MGMT: variants seen among roughly 807,000 people sequenced by gnomAD.
MGMT encodes O-6-methylguanine-DNA methyltransferase.
MGMT carries 14 observed loss-of-function variants against 15.9 expected under a neutral mutation model. The observed-to-expected ratio is 0.88, with a 90% CI of 0.58 to 1.37. MGMT has a LOEUF of 1.37. Ranked by LOEUF, MGMT falls within the 40% of genes most tolerant of loss-of-function variation. The pLI, the probability that MGMT is intolerant of heterozygous loss-of-function variation, is 0.00. For synonymous variants in MGMT, 130 were observed against 118.2 expected (o/e 1.10, Z -0.65); for missense variants, 282 against 268.1 (o/e 1.05, Z -0.36).
intron 2 of MGMT, among the ~76,000 whole-genome samples, chr10:129,544,217 A>T (rs182994194): frequency 6.6e-6 from 1 of 152,292 alleles, no homozygotes; most frequent in Non-Finnish European, 1.5e-5. Context: ...CCTTGGCACA[A>T]TCCAGTTCTC....
chr10:129,508,550 T>G (rs1349725792), intron 1 of MGMT, among the ~76,000 whole-genome samples: 1 of 148,192 alleles, frequency 6.7e-6, no homozygotes, highest in East Asian at 1.9e-4. Flanking sequence ...TTGTTTGTTT[T>G]TTTATTTCTT....
At chr10:129,571,304 A>AGTGT (rs1846414594) in intron 2 of MGMT, among the ~76,000 whole-genome samples, 1 of 152,186 alleles carries the variant, frequency 6.6e-6, no homozygotes, top group Non-Finnish European at 1.5e-5. Context: ...CCTGTAATAA[A>AGTGT]CACCCCTAAG....
At position 129,746,427 on chromosome 10, in the gene MGMT, C is replaced by CT. The variant is rs60875895; in HGVS notation, c.275-12764dup. Among the ~76,000 whole-genome samples the CT allele has an allele frequency of 2.5e-3, 350 of 142,126 alleles. 6 individuals carry two copies. Among genetic ancestry groups the CT allele is most frequent in the Middle Eastern group, 0.014 (4 of 278 alleles). The allele number at this position is 142,126 out of a possible 152,430, so 93.2% of individuals were successfully genotyped here. ...GTCATGAAGATTTGTCATATAGTTT[C>CT]TTTTTTTTTTTAGTTTAATGTTTTA... On this transcript the variant is annotated intron_variant, in intron 3 of 4. Coordinates refer to ENST00000651593, the MANE Select transcript of MGMT (RefSeq NM_002412.5).
At chr10:129,622,137 G>A (rs1284305716) in intron 2 of MGMT, among the ~76,000 whole-genome samples, 1 of 152,136 alleles carries the variant, frequency 6.6e-6, no homozygotes, top group Non-Finnish European at 1.5e-5. Context: ...AAGATTTCTG[G>A]TTTATTCATT....
chr10:129,564,872 G>T (rs61859888), intron 2 of MGMT, among the ~76,000 whole-genome samples: 9,733 of 152,048 alleles, frequency 0.064, 359 homozygotes, highest in African/African-American at 0.099. Context: ...CCACTGAGCA[G>T]AACCGCCCCT....
At chr10:129,756,348 G>A (rs957612821) in intron 3 of MGMT, among the ~76,000 whole-genome samples, 2 of 152,202 alleles carry the variant, frequency 1.3e-5, no homozygotes, top group African/African-American at 4.8e-5. Context: ...GGAAGTGGAG[G>A]GGTAAGAGAG....
chr10:129,634,982 C>T (rs1045324532), intron 2 of MGMT, among the ~76,000 whole-genome samples: 11 of 152,168 alleles, frequency 7.2e-5, no homozygotes, highest in African/African-American at 2.4e-4. Flanking sequence ...AGTTAAATTA[C>T]TTGGGAATAG....
chr10:129,535,396 T>TA (rs760580365), intron 1 of MGMT, among the ~76,000 whole-genome samples: 27 of 151,160 alleles, frequency 1.8e-4, no homozygotes, highest in Non-Finnish European at 2.7e-4. Context: ...ACCTCGTCTC[T>TA]AAAAAAAAAG....
chr10:129,748,341 T>C (rs1385319155), intron 3 of MGMT, among the ~76,000 whole-genome samples: 1 of 152,202 alleles, frequency 6.6e-6, no homozygotes, highest in Admixed American at 6.5e-5. Flanking sequence ...TTTGGGAGAT[T>C]GTGCAGTTTG....
At chr10:129,713,464 C>T in intron 3 of MGMT, among the ~76,000 whole-genome samples, 1 of 152,114 alleles carries the variant, frequency 6.6e-6, no homozygotes, top group East Asian at 1.9e-4. Flanking sequence ...AGAAGAAGAA[C>T]CCATCCACAG....
intron 3 of MGMT, among the ~76,000 whole-genome samples, chr10:129,747,698 T>A (rs978859076): frequency 4.6e-5 from 7 of 152,184 alleles, no homozygotes; most frequent in Non-Finnish European, 8.8e-5. Flanking sequence ...AGTCCTATGA[T>A]CTTGAAGTTT....
chr10:129,615,284 G>A (rs556862864), intron 2 of MGMT, among the ~76,000 whole-genome samples: 2 of 152,152 alleles, frequency 1.3e-5, no homozygotes, highest in African/African-American at 2.4e-5. Context: ...CTCCCCTGAC[G>A]TGCCCCTGCT....
At chr10:129,658,947 G>A (rs1160966935) in intron 2 of MGMT, among the ~76,000 whole-genome samples, 1 of 152,094 alleles carries the variant, frequency 6.6e-6, no homozygotes, top group Non-Finnish European at 1.5e-5. Flanking sequence ...ATACATTTTA[G>A]CTCCATCTGT....
chr10:129,542,317 C>T (rs780683321), intron 2 of MGMT, among the ~76,000 whole-genome samples: 4 of 152,124 alleles, frequency 2.6e-5, no homozygotes, highest in Non-Finnish European at 4.4e-5. Flanking sequence ...CCGTGCAGGT[C>T]GGTCTGACCA....
chr10:129,524,380 C>T (rs955171857), intron 1 of MGMT, among the ~76,000 whole-genome samples: 4 of 152,226 alleles, frequency 2.6e-5, no homozygotes, highest in Admixed American at 2.0e-4. Context: ...AGCCTGTGGA[C>T]GTGTCTCCCA....
rs772953321 is a variant in MGMT, at chr10:129,767,010, G to A, written c.*13G>A. 5 of 1,574,682 alleles carry A rather than the reference G, an allele frequency of 3.2e-6. No individual in the cohort carries two copies. The South Asian group carries it at 4.7e-5, about 15-fold the overall frequency. On this transcript the variant is annotated 3_prime_UTR_variant, in exon 5 of 5. Coordinates refer to ENST00000651593, the MANE Select transcript of MGMT (RefSeq NM_002412.5). ...TGGCCGAAACTGAGTATGTGCAGTA[G>A]GATGGATGTTTGAGCGACACACACG...
rs1333100422 is a variant in MGMT at position 129,768,270 on chromosome 10, A to T, written c.*1273A>T. 2.0e-5 allele frequency among the ~76,000 whole-genome samples: 3 copies of T among 152,272 alleles called. No individual in the cohort carries two copies. The highest frequency in any genetic ancestry group is 2.9e-5 in the Non-Finnish European group (2 of 68,050). On this transcript the variant is annotated 3_prime_UTR_variant, in exon 5 of 5. Transcript: ENST00000651593. ...GTTTTTCGCTGATTTATGATTTATT[A>T]TATCCCTTTCTGGCATCAGCCAAAA...
At chr10:129,673,831 T>C (rs1344730422) in intron 2 of MGMT, among the ~76,000 whole-genome samples, 1 of 152,246 alleles carries the variant, frequency 6.6e-6, no homozygotes, top group Admixed American at 6.5e-5. Context: ...CTTTTGTTAA[T>C]ATCTCAGTTG....
chr10:129,606,632 T>G (rs1846894514), intron 2 of MGMT, among the ~76,000 whole-genome samples: 1 of 152,254 alleles, frequency 6.6e-6, no homozygotes, highest in Admixed American at 6.5e-5. Flanking sequence ...CATATTAAAT[T>G]TTGATGCTCA....
Sources: allele counts gnomAD v4.1 joint callset (sites outside exome capture counted in the v4.1 genomes callset), GRCh38; gene constraint gnomAD v4.1.1; transcripts MANE v1.5; gene names NCBI Gene and HGNC (gene_info 2026-07-23, HGNC 2026-07-21).